CREBRF: variants seen among roughly 807,000 people sequenced by gnomAD.
The protein encoded by CREBRF is CREB3 regulatory factor, also known as UPF0474 protein C5orf41.
Under a neutral mutation model 66.1 loss-of-function variants are expected in CREBRF, and 5 were observed. The observed-to-expected ratio is 0.08, with a 90% CI of 0.04 to 0.16. The LOEUF (loss-of-function observed/expected upper bound fraction) is 0.16, where lower values mean the gene tolerates loss of function less well. Ranked by LOEUF, CREBRF falls within the 10% of genes least tolerant of loss-of-function variation. CREBRF has a pLI of 1.00. For synonymous variants in CREBRF, 229 were observed against 264.4 expected (o/e 0.87, Z 1.30); for missense variants, 531 against 744.9 (o/e 0.71, Z 3.34).
At chr5:173,099,456 A>G (rs1188483846) in intron 4 of CREBRF, among the ~76,000 whole-genome samples, 4 of 152,100 alleles carry the variant, frequency 2.6e-5, no homozygotes, top group Admixed American at 6.5e-5. Flanking sequence ...ATGCCTGGCT[A>G]TATGCATCCT....
rs529466877 is a variant in CREBRF at position 173,082,159 on chromosome 5, G to A, written c.9+1375G>A. On this transcript the variant is annotated intron_variant, in intron 2 of 8. Coordinates refer to ENST00000296953, the MANE Select transcript of CREBRF (RefSeq NM_153607.3). ...CTCCCAAGTAGCTGGGACTACAGGC[G>A]CCTGCCACCACGCCTGGCTAATTTT... Among the ~76,000 whole-genome samples the A allele has an allele frequency of 1.0e-3, 154 of 151,572 alleles. 2 individuals carry two copies. The South Asian group carries it at 0.015, about 15-fold the overall frequency.
chr5:173,123,388 CA>C (rs1212096830), intron 8 of CREBRF, 186 bp downstream of exon 8: 8 of 504,564 alleles, frequency 1.6e-5, no homozygotes, highest in African/African-American at 2.1e-5. Flanking sequence ...CAGGTGACCA[CA>C]ACTTGTAATT....
chr5:173,076,498 C>A (rs975368514), intron 1 of CREBRF, among the ~76,000 whole-genome samples: 3 of 152,096 alleles, frequency 2.0e-5, no homozygotes, highest in Non-Finnish European at 4.4e-5. Context: ...CACCTGTAAT[C>A]CCAACACTTT....
chr5:173,107,159 A>G (rs780686251), intron 4 of CREBRF, among the ~76,000 whole-genome samples: 2 of 152,144 alleles, frequency 1.3e-5, no homozygotes, highest in Non-Finnish European at 2.9e-5. Flanking sequence ...CATGCTCCTG[A>G]TTCATTCTTT....
At chr5:173,067,413 G>A (rs1235840685) in intron 1 of CREBRF, among the ~76,000 whole-genome samples, 1 of 152,154 alleles carries the variant, frequency 6.6e-6, no homozygotes, top group African/African-American at 2.4e-5. Flanking sequence ...ATGGGACTGG[G>A]TGGAGATTCA....
At chr5:173,117,517 T>TCCCTCTCCTC (rs1759019519) in intron 7 of CREBRF, among the ~76,000 whole-genome samples, 1 of 54,298 alleles carries the variant, frequency 1.8e-5, no homozygotes, top group Non-Finnish European at 3.7e-5. Context: ...TGCCTTCCCT[T>TCCCTCTCCTC]CCCTCCCCTC....
At chr5:173,083,217 AAAAT>A (rs1018883627) in intron 2 of CREBRF, among the ~76,000 whole-genome samples, 63 of 152,240 alleles carry the variant, frequency 4.1e-4, no homozygotes, top group African/African-American at 1.1e-3. Context: ...TCTCCAAAAA[AAAAT>A]AAATAAATAA....
chr5:173,110,525 A>G lies in CREBRF; in HGVS notation c.1421A>G (p.Lys474Arg). Residue 474 changes from lysine (K) to arginine (R), a missense_variant, in exon 6 of 9, where the codon AAA (lysine) becomes AGA (arginine). Lys to Arg is a conservative substitution (Grantham distance 26). Transcript: ENST00000296953. ...MYQKNGLHHGKYAVKKSRRTD... is the reference protein window; with the variant it reads ...MYQKNGLHHGRYAVKKSRRTD... ...ACTTCTTTTAAACTGTTTATAGGAA[A>G]ATATGCAGTAAAGAAGTCACGGAGA... 6.2e-7 allele frequency: 1 copy of G among 1,610,192 alleles called. No homozygotes were observed. The highest frequency in any genetic ancestry group is 8.5e-7 in the Non-Finnish European group (1 of 1,176,476).
intron 1 of CREBRF, among the ~76,000 whole-genome samples, chr5:173,061,644 T>C (rs780771830): frequency 6.4e-4 from 97 of 152,302 alleles, no homozygotes; most frequent in Admixed American, 5.9e-4. Flanking sequence ...TCAACACATG[T>C]AGTTCTTATA....
rs953481405 is a variant in CREBRF at position 173,138,227 on chromosome 5, T to C, written c.*4482T>C. 1.3e-5 allele frequency: 2 copies of C among 152,140 alleles called. No homozygotes were observed. The highest frequency in any genetic ancestry group is 4.8e-5 in the African/African-American group (2 of 41,438). 9.4% of individuals were successfully genotyped at this position (152,140 alleles called of 1,614,324 possible). On this transcript the variant is annotated 3_prime_UTR_variant, in exon 9 of 9. Transcript: ENST00000296953. Reference sequence around the variant, plus strand: ...GGCATTATGAGAAGACGACTCCATGTTTTTTTAATACTTCAAACACATTGG... The same window carrying C: ...GGCATTATGAGAAGACGACTCCATGCTTTTTTAATACTTCAAACACATTGG...
chr5:173,075,078 C>G (rs1256234265), intron 1 of CREBRF, among the ~76,000 whole-genome samples: 1 of 152,140 alleles, frequency 6.6e-6, no homozygotes, highest in Non-Finnish European at 1.5e-5. Flanking sequence ...TTTTTTCACC[C>G]AATCTGAGGG....
chr5:173,106,027 C>T (rs1324614906), intron 4 of CREBRF, among the ~76,000 whole-genome samples: 1 of 152,174 alleles, frequency 6.6e-6, no homozygotes, highest in Non-Finnish European at 1.5e-5. Flanking sequence ...TGAAAAGAAA[C>T]ATAAGCACAA....
At chr5:173,063,807 C>T (rs1016444654) in intron 1 of CREBRF, among the ~76,000 whole-genome samples, 3 of 151,764 alleles carry the variant, frequency 2.0e-5, no homozygotes, top group African/African-American at 7.3e-5. Flanking sequence ...CTGCGACCTT[C>T]GCATCCTGGG....
chr5:173,077,418 G>A (rs1053562756), intron 1 of CREBRF, among the ~76,000 whole-genome samples: 3 of 151,510 alleles, frequency 2.0e-5, no homozygotes, highest in African/African-American at 7.3e-5. Context: ...TTTTGAGACC[G>A]AGTTTCACTC....
intron 8 of CREBRF, among the ~76,000 whole-genome samples, chr5:173,130,102 C>G (rs1462662045): frequency 6.6e-6 from 1 of 152,176 alleles, no homozygotes; most frequent in African/African-American, 2.4e-5. Flanking sequence ...GGATTACAGG[C>G]GTGAGCCACC....
chr5:173,089,176 C>CA (rs369433965), intron 3 of CREBRF, among the ~76,000 whole-genome samples: 3,354 of 69,750 alleles, frequency 0.048, 168 homozygotes, highest in African/African-American at 0.17. Context: ...GACTCCATCT[C>CA]AAAAAAAAAA....
chr5:173,127,300 C>G (rs1759300570), intron 8 of CREBRF, among the ~76,000 whole-genome samples: 1 of 150,832 alleles, frequency 6.6e-6, no homozygotes, highest in Admixed American at 6.6e-5. Flanking sequence ...GTAGCATGTT[C>G]CACCATGTGC....
At chr5:173,117,975 G>A (rs1046602567) in intron 7 of CREBRF, among the ~76,000 whole-genome samples, 7 of 151,604 alleles carry the variant, frequency 4.6e-5, no homozygotes, top group African/African-American at 7.3e-5. Flanking sequence ...CTGGGTTCAC[G>A]CCATTATCCT....
chr5:173,069,876 G>T (rs1351882078), intron 1 of CREBRF, among the ~76,000 whole-genome samples: 1 of 151,898 alleles, frequency 6.6e-6, no homozygotes, highest in Non-Finnish European at 1.5e-5. Context: ...TTTTGAAAAG[G>T]TGCCAAATCT....
Sources: gnomAD v4.1 joint callset for allele counts (sites outside exome capture counted in the v4.1 genomes callset) on GRCh38, gnomAD v4.1.1 for gene constraint, MANE v1.5 for transcripts, NCBI Gene and HGNC (gene_info 2026-07-23, HGNC 2026-07-21) for gene names.